The following CNTN6 variants were observed in gnomAD, a reference collection of about 807,000 sequenced individuals.
The protein encoded by CNTN6 is contactin-6.
CNTN6 carries 137 observed loss-of-function variants against 122.8 expected under a neutral mutation model. The ratio of observed to expected loss-of-function variants is 1.12; its 90% CI spans 0.97 to 1.29. The LOEUF is 1.29. Ranked by LOEUF, CNTN6 falls within the 50% of genes most tolerant of loss-of-function variation. The pLI, the probability that CNTN6 is intolerant of heterozygous loss-of-function variation, is 0.00. For missense variants in CNTN6, 1,634 were observed against 1,223.4 expected (o/e 1.34, Z -5.01); for synonymous variants, 570 against 426.0 (o/e 1.34, Z -4.16).
At chr3:1,259,281 A>G (rs1265978193) in intron 4 of CNTN6, among the ~76,000 whole-genome samples, 1 of 152,158 alleles carries the variant, frequency 6.6e-6, no homozygotes, top group Non-Finnish European at 1.5e-5. Flanking sequence ...ATTTACTAGT[A>G]CATGGTAGAA....
chr3:1,386,183 C>T (rs2126196585), intron 20 of CNTN6, among the ~76,000 whole-genome samples: 1 of 152,184 alleles, frequency 6.6e-6, no homozygotes, highest in Non-Finnish European at 1.5e-5. Context: ...TTTATGTTTT[C>T]ATAGGTTTTG....
intron 11 of CNTN6, among the ~76,000 whole-genome samples, chr3:1,351,400 G>C (rs1705606408): frequency 1.3e-5 from 2 of 151,892 alleles, no homozygotes; most frequent in South Asian, 4.1e-4. Context: ...ATACAATCTT[G>C]ACTACCTACT....
At chr3:1,352,209 T>A (rs1222413579) in intron 11 of CNTN6, 115 bp from the exon 12 acceptor site, 18 of 901,004 alleles carry the variant, frequency 2.0e-5, no homozygotes, top group Non-Finnish European at 2.3e-5. Flanking sequence ...AAGGAAAAAA[T>A]TCATATTATC....
chr3:1,345,036 A>C (rs375627058), intron 11 of CNTN6, among the ~76,000 whole-genome samples: 1 of 151,674 alleles, frequency 6.6e-6, no homozygotes, highest in Non-Finnish European at 1.5e-5. Flanking sequence ...TTAGGTTTTC[A>C]TCAATCCACT....
chr3:1,276,446 T>C (rs1314180115), intron 4 of CNTN6, among the ~76,000 whole-genome samples: 1 of 152,210 alleles, frequency 6.6e-6, no homozygotes, highest in Non-Finnish European at 1.5e-5. Flanking sequence ...ATTAGATTAT[T>C]TCCAATCCAT....
intron 2 of CNTN6, among the ~76,000 whole-genome samples, chr3:1,206,106 C>T (rs2093954365): frequency 6.6e-6 from 1 of 152,118 alleles, no homozygotes; most frequent in East Asian, 1.9e-4. Flanking sequence ...GCAGGGTACT[C>T]TGCAATCTTT....
intron 11 of CNTN6, among the ~76,000 whole-genome samples, chr3:1,343,793 A>T (rs61351715): frequency 0.093 from 14,140 of 152,168 alleles, 741 homozygotes; most frequent in Non-Finnish European, 0.1. Context: ...CCCATTCTAT[A>T]TAAAGTTGGC....
At chr3:1,281,983 TACAC>T (rs3836238) in intron 5 of CNTN6, among the ~76,000 whole-genome samples, 54,999 of 149,754 alleles carry the variant, frequency 0.37, 10,231 homozygotes, top group East Asian at 0.5. Context: ...TATATAGGTA[TACAC>T]ACACACACAC....
intron 2 of CNTN6, among the ~76,000 whole-genome samples, chr3:1,214,087 G>T (rs2094090170): frequency 1.3e-5 from 2 of 151,902 alleles, no homozygotes; most frequent in Admixed American, 1.3e-4. Flanking sequence ...AAAACTAGCA[G>T]AGTTCTTAAG....
chr3:1,332,060 C>G, intron 11 of CNTN6, among the ~76,000 whole-genome samples: 1 of 151,892 alleles, frequency 6.6e-6, no homozygotes, highest in Non-Finnish European at 1.5e-5. Flanking sequence ...TTCTTTCATT[C>G]TATCTTTTCA....
At chr3:1,139,137 T>C (rs773488935) in intron 1 of CNTN6, among the ~76,000 whole-genome samples, 4 of 152,194 alleles carry the variant, frequency 2.6e-5, no homozygotes, top group Non-Finnish European at 4.4e-5. Flanking sequence ...GTTTATGTCT[T>C]GAGTAAGACT....
chr3:1,121,181 A>G (rs187176545), intron 1 of CNTN6, among the ~76,000 whole-genome samples: 86 of 152,014 alleles, frequency 5.7e-4, no homozygotes, highest in Non-Finnish European at 1.1e-3. Context: ...GTGTCTTCAT[A>G]TGTATGTAAA....
At chr3:1,344,779 T>C (rs1270470150) in intron 11 of CNTN6, among the ~76,000 whole-genome samples, 1 of 152,210 alleles carries the variant, frequency 6.6e-6, no homozygotes, top group Non-Finnish European at 1.5e-5. Flanking sequence ...AACAGTCCTT[T>C]CTATAAATTT....
intron 17 of CNTN6, among the ~76,000 whole-genome samples, chr3:1,381,799 A>G (rs917691720): frequency 2.0e-5 from 3 of 151,994 alleles, no homozygotes; most frequent in East Asian, 1.9e-4. Context: ...GTGTATATCT[A>G]TCATTGTTTT....
At chr3:1,095,206 T>C (rs1302883525) in intron 1 of CNTN6, among the ~76,000 whole-genome samples, 3 of 152,104 alleles carry the variant, frequency 2.0e-5, no homozygotes, top group Non-Finnish European at 4.4e-5. Flanking sequence ...CGCGCGGTGG[T>C]TCACACCTAT....
chr3:1,389,748 G>C (rs1030866189), intron 20 of CNTN6, among the ~76,000 whole-genome samples: 1 of 149,912 alleles, frequency 6.7e-6, no homozygotes, highest in African/African-American at 2.4e-5. Context: ...AAAAAAGGCA[G>C]GGGTTGCAAT....
chr3:1,106,297 T>C (rs533582860), intron 1 of CNTN6, among the ~76,000 whole-genome samples: 164 of 152,302 alleles, frequency 1.1e-3, no homozygotes, highest in African/African-American at 3.8e-3. Context: ...CTTTTCCAGA[T>C]AGTCAGAACA....
intron 19 of CNTN6, among the ~76,000 whole-genome samples, chr3:1,384,355 T>C (rs899226081): frequency 1.4e-5 from 2 of 145,846 alleles, no homozygotes; most frequent in East Asian, 1.9e-4. Context: ...AAGAATTTCA[T>C]TGAGAAACCT....
At chr3:1,263,975 C>T (rs945212841) in intron 4 of CNTN6, among the ~76,000 whole-genome samples, 1 of 150,998 alleles carries the variant, frequency 6.6e-6, no homozygotes, top group Non-Finnish European at 1.5e-5. Flanking sequence ...AGTTTTCAAG[C>T]AGAAGAAACA....
Sources: allele counts gnomAD v4.1 joint callset (sites outside exome capture counted in the v4.1 genomes callset), GRCh38; gene constraint gnomAD v4.1.1; transcripts MANE v1.5; gene names NCBI Gene and HGNC (gene_info 2026-07-23, HGNC 2026-07-21).